The following TFB2M variants were observed in gnomAD, a reference collection of about 807,000 sequenced individuals.
TFB2M encodes transcription factor B2, mitochondrial.
A neutral mutation model predicts 41.3 loss-of-function variants in TFB2M; 44 were observed. The observed-to-expected ratio is 1.07, with a 90% CI of 0.84 to 1.37. The LOEUF is 1.37. TFB2M is among the 40% of genes most tolerant of loss of function. The pLI is 0.00. For synonymous variants in TFB2M, 188 were observed against 176.8 expected (o/e 1.06, Z -0.50); for missense variants, 496 against 490.2 (o/e 1.01, Z -0.11).
chr1:246,548,041 G>A (rs1370069579), intron 6 of TFB2M, among the ~76,000 whole-genome samples: 1 of 151,474 alleles, frequency 6.6e-6, no homozygotes, highest in South Asian at 2.1e-4. Flanking sequence ...CTGTCTGCCA[G>A]GTTCAAGTGA....
chr1:246,565,029 G>A (rs1276118792), intron 1 of TFB2M, among the ~76,000 whole-genome samples: 1 of 152,156 alleles, frequency 6.6e-6, no homozygotes, highest in African/African-American at 2.4e-5. Context: ...GAAGAAAAAA[G>A]TCACAGCAAA....
chr1:246,545,464 G>A (rs1023704733), intron 6 of TFB2M, among the ~76,000 whole-genome samples: 4 of 151,774 alleles, frequency 2.6e-5, no homozygotes, highest in African/African-American at 9.7e-5. Flanking sequence ...GGTGGAGGCT[G>A]AGAGCATGCC....
chr1:246,547,341 C>A (rs573634907), intron 6 of TFB2M, among the ~76,000 whole-genome samples: 28 of 152,264 alleles, frequency 1.8e-4, no homozygotes, highest in African/African-American at 6.7e-4. Context: ...TGCTGAAAAA[C>A]TGAGAAAGTA....
chr1:246,549,488 G>C (rs947320246), intron 5 of TFB2M, among the ~76,000 whole-genome samples: 3 of 152,050 alleles, frequency 2.0e-5, no homozygotes, highest in Non-Finnish European at 4.4e-5. Flanking sequence ...AGGCTGAGGC[G>C]GGAGGATTGC....
At chr1:246,565,732 A>G in intron 1 of TFB2M, 94 bp downstream of exon 1, 4 of 1,338,332 alleles carry the variant, frequency 3.0e-6, no homozygotes, top group East Asian at 2.3e-5. Context: ...ACAACAAAAA[A>G]GACCCCCCAG....
chr1:246,552,667 C>T (rs1659217333), intron 4 of TFB2M, among the ~76,000 whole-genome samples: 1 of 151,862 alleles, frequency 6.6e-6, no homozygotes, highest in Non-Finnish European at 1.5e-5. Flanking sequence ...CCACGACATT[C>T]AAGCCTGGGC....
At chr1:246,545,024 C>T (rs531540536) in intron 6 of TFB2M, among the ~76,000 whole-genome samples, 122 of 151,410 alleles carry the variant, frequency 8.1e-4, no homozygotes, top group African/African-American at 2.9e-3. Flanking sequence ...CCAGGATGGT[C>T]TCGATCTCCT....
intron 6 of TFB2M, 28 bp downstream of exon 6, chr1:246,548,517 A>C: frequency 6.3e-7 from 1 of 1,595,878 alleles, no homozygotes; most frequent in Non-Finnish European, 8.5e-7. Context: ...GTAGGGAGAA[A>C]AAGGAAAAGG....
intron 6 of TFB2M, among the ~76,000 whole-genome samples, chr1:246,548,131 G>C (rs1017813598): frequency 1.3e-5 from 2 of 152,150 alleles, no homozygotes; most frequent in Non-Finnish European, 2.9e-5. Context: ...ATTTTTAATA[G>C]AGGCGGGGTT....
chr1:246,545,812 G>GAAAAAAAA (rs869274564), intron 6 of TFB2M, among the ~76,000 whole-genome samples: 1 of 52,706 alleles, frequency 1.9e-5, no homozygotes, highest in Non-Finnish European at 3.7e-5. Context: ...ACCCTGATTC[G>GAAAAAAAA]AAAAAAAAAA....
At chr1:246,556,263 A>C (rs1053460737) in intron 4 of TFB2M, among the ~76,000 whole-genome samples, 1 of 152,246 alleles carries the variant, frequency 6.6e-6, no homozygotes, top group African/African-American at 2.4e-5. Flanking sequence ...CAGAAAGTAG[A>C]ATAATGATTA....
rs529654561 is a variant in TFB2M at position 246,563,518 on chromosome 1, C to T, written c.402+828G>A. On this transcript the variant is annotated intron_variant, in intron 2 of 7. Transcript: ENST00000366514. Reference sequence around the variant, plus strand: ...ACTTGGGAGGCTGAGGCAGGAGAATCGCTTAAACTTGGGAGGCAGTGGTTA... The same window carrying T: ...ACTTGGGAGGCTGAGGCAGGAGAATTGCTTAAACTTGGGAGGCAGTGGTTA... Among the ~76,000 whole-genome samples the T allele has an allele frequency of 1.2e-4, 18 of 151,720 alleles. No homozygotes were observed. In the East Asian group the frequency reaches 2.7e-3, roughly 23 times the overall value.
intron 2 of TFB2M, 104 bp from the exon 3 acceptor site, chr1:246,557,638 T>C (rs1659359730): frequency 1.0e-6 from 1 of 989,230 alleles, no homozygotes; most frequent in South Asian, 2.1e-5. Flanking sequence ...AATGTAAAAA[T>C]AAAAATAATT....
At chr1:246,542,290 G>C (rs1342429871) in intron 7 of TFB2M, among the ~76,000 whole-genome samples, 1 of 150,486 alleles carries the variant, frequency 6.6e-6, no homozygotes, top group African/African-American at 2.4e-5. Flanking sequence ...TAATCAATGA[G>C]GTATATTATA....
chr1:246,547,193 AG>A (rs1454356988), intron 6 of TFB2M, among the ~76,000 whole-genome samples: 5 of 152,248 alleles, frequency 3.3e-5, no homozygotes. Context: ...CACGTTGGCC[AG>A]GCTGGTCTCA....
At position 246,556,728 on chromosome 1, in the gene TFB2M, G is replaced by T; in HGVS notation, c.557-7C>A. 1.3e-6 allele frequency: 2 copies of T among 1,546,892 alleles called. No homozygotes were observed. Among genetic ancestry groups the T allele is most frequent in the Non-Finnish European group, 1.7e-6 (2 of 1,158,282 alleles). On this transcript the variant is annotated splice_polypyrimidine_tract_variant and splice_region_variant and intron_variant, in intron 3 of 7. Transcript: ENST00000366514. ...ACTACTTTTAAAGGGATGTCTGTTA[G>T]GAATATAAGCAAAAAGATTTGAATA...
chr1:246,543,770 C>T (rs1375505688), intron 7 of TFB2M, among the ~76,000 whole-genome samples: 8 of 152,122 alleles, frequency 5.3e-5, no homozygotes, highest in Admixed American at 5.2e-4. Flanking sequence ...CCCATCTCTA[C>T]AAAAATTGGC....
At chr1:246,548,758 A>C in intron 5 of TFB2M, 151 bp from the exon 6 acceptor site, 1 of 604,884 alleles carries the variant, frequency 1.7e-6, no homozygotes, top group East Asian at 2.9e-5. Flanking sequence ...TAAATAATAC[A>C]CATCTCTCTC....
chr1:246,551,166 C>A (rs549399732), intron 5 of TFB2M, 47 bp downstream of exon 5: 2 of 1,454,820 alleles, frequency 1.4e-6, no homozygotes, highest in South Asian at 1.1e-5. Context: ...CATAATGAGA[C>A]CCTGTCGCTA....
Sources: gnomAD v4.1 joint callset for allele counts (sites outside exome capture counted in the v4.1 genomes callset) on GRCh38, gnomAD v4.1.1 for gene constraint, MANE v1.5 for transcripts, NCBI Gene and HGNC (gene_info 2026-07-23, HGNC 2026-07-21) for gene names.